Variants in REXO5 observed in about 807,000 individuals in gnomAD.
The protein encoded by REXO5 is RNA exonuclease 5.
Under a neutral mutation model 88.5 loss-of-function variants are expected in REXO5, and 48 were observed. That is an observed-to-expected ratio of 0.54 (90% confidence interval 0.43 to 0.69). The LOEUF (loss-of-function observed/expected upper bound fraction) is 0.69. Ranked by LOEUF, REXO5 falls within the 30% of genes least tolerant of loss-of-function variation. REXO5 has a pLI of 0.00. For synonymous variants in REXO5, 311 were observed against 336.5 expected (o/e 0.92, Z 0.83); for missense variants, 749 against 912.2 (o/e 0.82, Z 2.30).
intron 17 of REXO5, 92 bp downstream of exon 17, chr16:20,844,937 T>G: frequency 6.5e-7 from 1 of 1,528,424 alleles, no homozygotes; most frequent in Non-Finnish European, 9.0e-7. Context: ...CCTCCTGGGC[T>G]GGACCAGGGC....
At chr16:20,826,018 C>A in intron 8 of REXO5, 70 bp downstream of exon 8, 1 of 954,588 alleles carries the variant, frequency 1.0e-6, no homozygotes, top group Non-Finnish European at 1.6e-6. Context: ...TTAAGAATGG[C>A]CCACAGCTTC....
Position 20,821,837 on chromosome 16 carries a change from A to C in REXO5, c.551A>C (p.Lys184Thr), listed in dbSNP as rs772699682. 1 of 1,608,346 alleles carries C rather than the reference A, an allele frequency of 6.2e-7. No individual in the cohort carries two copies. The highest frequency in any genetic ancestry group is 1.1e-5 in the South Asian group (1 of 89,880). ...ATCATTCAAAAGTATGGCTCTAAGA[A>C]AGTGGGCTTGACCAGATGCCTTCTG... ...DPIIQKYGSK[K>T]VGLTRCLLTK... Residue 184 changes from lysine (K) to threonine (T), a missense_variant, in exon 6 of 20, where the codon AAA (lysine) becomes ACA (threonine). Coordinates refer to ENST00000261377, the MANE Select transcript of REXO5 (RefSeq NM_030941.3).
At chr16:20,817,732 C>T (rs750391056) in intron 5 of REXO5, among the ~76,000 whole-genome samples, 16 of 152,160 alleles carry the variant, frequency 1.1e-4, no homozygotes, top group Non-Finnish European at 2.1e-4. Context: ...CATAGTCCCT[C>T]GCACTCTGAT....
intron 16 of REXO5, 51 bp from the exon 17 acceptor site, chr16:20,844,578 C>A (rs1311788814): frequency 1.3e-6 from 2 of 1,524,964 alleles, no homozygotes; most frequent in East Asian, 2.3e-5. Flanking sequence ...ATCCAATAGG[C>A]CTGAGGATTA....
chr16:20,846,355 G>T lies in REXO5; in HGVS notation c.2243+16G>T. The T allele has an allele frequency of 6.3e-7, 1 of 1,591,086 alleles. No homozygotes were observed. Among genetic ancestry groups the T allele is most frequent in the Non-Finnish European group, 8.6e-7 (1 of 1,159,280 alleles). On this transcript the variant is annotated intron_variant, in intron 19 of 19. Transcript: ENST00000261377. ...GAACCAAGAGGTAAGGACTAGAAAG[G>T]GTATCCCTTCAGGACTCTGTCCCCT... is the stretch of plus-strand genomic sequence containing the variant.
At chr16:20,827,307 T>G (rs2081274385) in intron 9 of REXO5, 46 bp from the exon 10 acceptor site, 1 of 1,601,270 alleles carries the variant, frequency 6.2e-7, no homozygotes, top group Admixed American at 1.7e-5. Flanking sequence ...ACTTGTTTTT[T>G]CCTTTAGCAT....
intron 13 of REXO5, among the ~76,000 whole-genome samples, chr16:20,834,696 G>A (rs886094346): frequency 1.3e-5 from 2 of 151,844 alleles, no homozygotes; most frequent in Non-Finnish European, 2.9e-5. Flanking sequence ...CCGTTGCTAT[G>A]TCTTAGGTTT....
In REXO5 at chr16:20,806,583, T is replaced by G. The variant is rs1312868354; in HGVS notation, c.-125T>G. The G allele has an allele frequency of 6.9e-7, 1 of 1,455,698 alleles. No homozygotes were observed. Among genetic ancestry groups the G allele is most frequent in the East Asian group, 2.5e-5 (1 of 39,244 alleles). 90.2% of individuals were successfully genotyped at this position (1,455,698 alleles called of 1,614,324 possible). On this transcript the variant is annotated 5_prime_UTR_variant, in exon 1 of 20. Coordinates refer to ENST00000261377, the MANE Select transcript of REXO5 (RefSeq NM_030941.3). The stretch of plus-strand genomic sequence containing the variant: ...ACCTCTGCTCCCCGCCCGTCTTCTC[T>G]TCTGCGTTTCCCGGGCTAGGGGGCG...
At chr16:20,816,417 C>T (rs1045613561) in intron 5 of REXO5, among the ~76,000 whole-genome samples, 2 of 152,130 alleles carry the variant, frequency 1.3e-5, no homozygotes, top group African/African-American at 4.8e-5. Flanking sequence ...CCTTGACCTC[C>T]CAGACTCAAG....
At position 20,828,474 on chromosome 16, in the gene REXO5, C is replaced by T. The variant is rs2081290297; in HGVS notation, c.1095C>T (p.Ala365=). ...IQCPDRLGHD[A]TEDARTILEL... Reference sequence around the variant, plus strand: ...GTCCAGACAGACTTGGTCATGATGCCACAGAAGATGCTAGAACAATCCTTG... The same window carrying T: ...GTCCAGACAGACTTGGTCATGATGCTACAGAAGATGCTAGAACAATCCTTG... The change falls in exon 11 of 20, where the codon GCC becomes GCT. Residue 365 remains alanine (A), a synonymous_variant. Transcript: ENST00000261377. The T allele has an allele frequency of 6.2e-7, 1 of 1,613,894 alleles. No individual in the cohort carries two copies. Among genetic ancestry groups the T allele is most frequent in the Admixed American group, 1.7e-5 (1 of 60,026 alleles).
intron 15 of REXO5, among the ~76,000 whole-genome samples, chr16:20,841,581 T>G (rs768449673): frequency 1.3e-5 from 2 of 152,228 alleles, no homozygotes; most frequent in Admixed American, 6.5e-5. Flanking sequence ...CTAGATATTT[T>G]AAAATGGCTG....
rs552507649 is a variant in REXO5 at position 20,831,428 on chromosome 16, T to C, written c.1159-728T>C. 4.5e-3 allele frequency among the ~76,000 whole-genome samples: 689 copies of C among 152,242 alleles called. 5 individuals are homozygous for C. Among genetic ancestry groups the C allele is most frequent in the African/African-American group, 0.015 (638 of 41,534 alleles). The stretch of plus-strand genomic sequence containing the variant: ...CACTTGGATAAAAACTAACCAAATC[T>C]GAATTAAGCATGGGCTTAATTAATA... On this transcript the variant is annotated intron_variant, in intron 11 of 19. Transcript: ENST00000261377.
Position 20,849,607 on chromosome 16 carries a change from G to C in REXO5, c.*127G>C. On this transcript the variant is annotated 3_prime_UTR_variant, in exon 20 of 20. Coordinates refer to ENST00000261377, the MANE Select transcript of REXO5 (RefSeq NM_030941.3). ...GAAACTTGGTATAGCAGCTAAAAGA[G>C]TTTAGTTTGTTTATATGGCATGTAT... 2.7e-6 allele frequency: 2 copies of C among 740,204 alleles called. No individual in the cohort carries two copies. The highest frequency in any genetic ancestry group is 4.6e-6 in the Non-Finnish European group (2 of 432,634). 45.9% of individuals were successfully genotyped at this position (740,204 alleles called of 1,614,324 possible).
At chr16:20,814,484 C>T (rs1272784319) in intron 3 of REXO5, among the ~76,000 whole-genome samples, 1 of 152,066 alleles carries the variant, frequency 6.6e-6, no homozygotes, top group African/African-American at 2.4e-5. Context: ...TCAAGTCATC[C>T]ACCTGCCTCG....
intron 15 of REXO5, 124 bp downstream of exon 15, chr16:20,840,592 A>T: frequency 1.3e-6 from 1 of 781,540 alleles, no homozygotes; most frequent in Non-Finnish European, 2.0e-6. Context: ...GGAGTGTGAG[A>T]CATACTCTAA....
chr16:20,807,414 C>G (rs934725322), intron 2 of REXO5: 8 of 297,038 alleles, frequency 2.7e-5, no homozygotes, highest in Non-Finnish European at 1.3e-5. Flanking sequence ...CCCGTCTCTA[C>G]CAAAAACACA....
chr16:20,849,534 A>G lies in REXO5; in HGVS notation c.*54A>G, dbSNP rs2081661354. The G allele has an allele frequency of 3.9e-6, 6 of 1,521,564 alleles. No homozygotes were observed. Among genetic ancestry groups the G allele is most frequent in the Non-Finnish European group, 3.6e-6 (4 of 1,096,052 alleles). 94.3% of individuals were successfully genotyped at this position (1,521,564 alleles called of 1,614,324 possible). ...TTCTTACCCCTTGTAGGCAATGGCAAAGAATGTGGTCAGGCTGTAGCCTCC... is the reference window on the plus strand; with the variant it reads ...TTCTTACCCCTTGTAGGCAATGGCAGAGAATGTGGTCAGGCTGTAGCCTCC... On this transcript the variant is annotated 3_prime_UTR_variant, in exon 20 of 20. Coordinates refer to ENST00000261377, the MANE Select transcript of REXO5 (RefSeq NM_030941.3).
intron 2 of REXO5, 83 bp downstream of exon 2, chr16:20,807,174 G>A (rs1290321959): frequency 2.0e-6 from 3 of 1,495,544 alleles, no homozygotes; most frequent in African/African-American, 1.4e-5. Flanking sequence ...GGGGGCACTG[G>A]ATTCGGGCGG....
At chr16:20,843,603 C>G (rs1442987824) in intron 15 of REXO5, among the ~76,000 whole-genome samples, 2 of 152,188 alleles carry the variant, frequency 1.3e-5, no homozygotes, top group Non-Finnish European at 2.9e-5. Context: ...CTTATCCTTC[C>G]CAAGCTTATA....
Sources: allele counts gnomAD v4.1 joint callset (sites outside exome capture counted in the v4.1 genomes callset), GRCh38; gene constraint gnomAD v4.1.1; transcripts MANE v1.5; gene names NCBI Gene and HGNC (gene_info 2026-07-23, HGNC 2026-07-21).